Variants in BCL11A observed in about 807,000 individuals in gnomAD.
BCL11A encodes the protein BCL11 transcription factor A.
Under a neutral mutation model 55.9 loss-of-function variants are expected in BCL11A, and 2 were observed. The ratio of observed to expected loss-of-function variants is 0.04; its 90% CI spans 0.01 to 0.11. BCL11A has a LOEUF of 0.11. Ranked by LOEUF, BCL11A falls within the 10% of genes least tolerant of loss-of-function variation. The pLI is 1.00. For synonymous variants in BCL11A, 465 were observed against 473.4 expected, an observed-to-expected ratio of 0.98 and a Z score of 0.23; for missense variants, 817 against 1,137.1, an observed-to-expected ratio of 0.72 and a Z score of 4.05.
chr2:60,462,192 C>T lies in BCL11A; in HGVS notation c.720G>A (p.Leu240=), dbSNP rs1676353615. The T allele has an allele frequency of 6.3e-7, 1 of 1,599,258 alleles. No individual in the cohort carries two copies. Among genetic ancestry groups the T allele is most frequent in the Non-Finnish European group, 8.5e-7 (1 of 1,173,162 alleles). Residue 240 remains leucine (L), a synonymous_variant, in exon 4 of 4, where the codon CTG becomes CTA. Coordinates refer to ENST00000642384, the MANE Select transcript of BCL11A (RefSeq NM_022893.4). ...IHIADNNPFN[L]LRIPGSVSRE... is the part of the protein sequence containing the mutation. ...TCGATACTGATCCTGGTATTCTTAG[C>T]AGGTTAAAGGGGTTATTGTCTGCAA...
intron 2 of BCL11A, chr2:60,533,020 T>C (rs1013054067): frequency 2.6e-5 from 4 of 152,234 alleles, no homozygotes; most frequent in African/African-American, 9.6e-5. Context: ...GTACACTAGA[T>C]TATGCCAATC....
At chr2:60,477,958 C>CTTTT (rs79276518) in intron 2 of BCL11A, among the ~76,000 whole-genome samples, 2 of 138,500 alleles carry the variant, frequency 1.4e-5, no homozygotes, top group South Asian at 2.4e-4. Context: ...TTATGGAAAG[C>CTTTT]TTTTTTTTTT....
chr2:60,462,327 T>C lies in BCL11A; in HGVS notation c.585A>G (p.Leu195=), dbSNP rs780915895. Residue 195 remains leucine (L), a synonymous_variant, in exon 4 of 4, where the codon TTA becomes TTG. Coordinates refer to ENST00000642384, the MANE Select transcript of BCL11A (RefSeq NM_022893.4). ...LLQHAQNTHG[L]RIYLESEHGS... ...CGTGTTCGCTTTCTAAGTAGATTCTTAATCCATGAGTGTTCTGTGCGTGTT... is the reference window on the plus strand; with the variant it reads ...CGTGTTCGCTTTCTAAGTAGATTCTCAATCCATGAGTGTTCTGTGCGTGTT... 19 of 1,614,136 alleles carry C rather than the reference T, an allele frequency of 1.2e-5. No homozygotes were observed. The highest frequency in any genetic ancestry group is 1.5e-5 in the Non-Finnish European group (18 of 1,180,012).
chr2:60,462,139 C>A lies in BCL11A; in HGVS notation c.773G>T (p.Arg258Leu). The A allele has an allele frequency of 3.2e-6, 5 of 1,559,250 alleles. No homozygotes were observed. The highest frequency in any genetic ancestry group is 1.2e-5 in the South Asian group (1 of 81,336). ...AAACAGGGGGGGAGTGGGTGGAAAGCGCCCTTCTGCCAGGCCGGAAGCCTC... is the reference window on the plus strand; with the variant it reads ...AAACAGGGGGGGAGTGGGTGGAAAGAGCCCTTCTGCCAGGCCGGAAGCCTC... ...SREASGLAEG[R>L]FPPTPPLFSP... Residue 258 changes from arginine (R) to leucine (L), a missense_variant, in exon 4 of 4, where the codon CGC (arginine) becomes CTC (leucine). Around this residue, in one of 4 missense-constraint regions of BCL11A, gnomAD observed 363 missense variants for 486.6 expected, o/e 0.75. Coordinates refer to ENST00000642384, the MANE Select transcript of BCL11A (RefSeq NM_022893.4).
rs115174708 is a variant in BCL11A, at chr2:60,461,980, G to A, written c.932C>T (p.Pro311Leu). The change falls in exon 4 of 4, where the codon CCC becomes CTC. Residue 311 changes from proline (P) to leucine (L), a missense_variant. Physicochemically the swap from Pro to Leu is moderately conservative, Grantham distance 98. Transcript: ENST00000642384. Reference protein sequence around the residue: ...LRLNPMAMEPPAMDFSRRLRE... With the variant: ...LRLNPMAMEPLAMDFSRRLRE... Reference sequence around the variant, plus strand: ...AAGTCTCCTAGAGAAATCCATGGCGGGAGGCTCCATAGCCATTGGATTCAA... The same window carrying A: ...AAGTCTCCTAGAGAAATCCATGGCGAGAGGCTCCATAGCCATTGGATTCAA... 2.5e-6 allele frequency: 4 copies of A among 1,613,778 alleles called. No homozygotes were observed. The highest frequency in any genetic ancestry group is 3.4e-6 in the Non-Finnish European group (4 of 1,180,016).
chr2:60,492,635 T>C (rs1191441535), intron 2 of BCL11A, among the ~76,000 whole-genome samples: 1 of 151,806 alleles, frequency 6.6e-6, no homozygotes, highest in Admixed American at 6.6e-5. Flanking sequence ...TCTCTCTCTC[T>C]CTCTCTCTGT....
intron 2 of BCL11A, among the ~76,000 whole-genome samples, chr2:60,538,733 CTCTCTCTGTGTGTGTGTGTG>C (rs1669778308): frequency 1.6e-5 from 1 of 64,284 alleles, no homozygotes; most frequent in Admixed American, 2.1e-4. Flanking sequence ...CTCTCTCTCT[CTCTCTCTGTGTGTGTGTGTG>C]TGTGTGTGTG....
At chr2:60,508,410 G>C (rs1679768939) in intron 2 of BCL11A, among the ~76,000 whole-genome samples, 1 of 152,150 alleles carries the variant, frequency 6.6e-6, no homozygotes, top group Admixed American at 6.5e-5. Context: ...CCCTGAGTCT[G>C]ACTTTTACCC....
chr2:60,460,899 A>T lies in BCL11A; in HGVS notation c.2013T>A (p.Asp671Glu), dbSNP rs1676218270. ...AGYAASRQLK[D>E]PFLSFGDSRQ... ...TGGAGTCTCCGAAGCTAAGGAAGGGATCTTTGAGCTGCCTGGAGGCCGCGT... is the reference window on the plus strand; with the variant it reads ...TGGAGTCTCCGAAGCTAAGGAAGGGTTCTTTGAGCTGCCTGGAGGCCGCGT... Residue 671 changes from aspartate to glutamate, a missense_variant, in exon 4 of 4, where the codon GAT becomes GAA. Transcript: ENST00000642384. 6.2e-7 allele frequency: 1 copy of T among 1,612,990 alleles called. No homozygotes were observed. Among genetic ancestry groups the T allele is most frequent in the Admixed American group, 1.7e-5 (1 of 60,016 alleles).
At chr2:60,484,709 A>G (rs889019533) in intron 2 of BCL11A, among the ~76,000 whole-genome samples, 2 of 152,160 alleles carry the variant, frequency 1.3e-5, no homozygotes, top group African/African-American at 4.8e-5. Flanking sequence ...AGAAGGAGAA[A>G]GAGAGGAAAG....
intron 2 of BCL11A, among the ~76,000 whole-genome samples, chr2:60,481,083 C>T (rs1381558311): frequency 6.6e-6 from 1 of 152,180 alleles, no homozygotes; most frequent in East Asian, 1.9e-4. Flanking sequence ...CACACCTTGT[C>T]ACCCAAGTTG....
intron 3 of BCL11A, among the ~76,000 whole-genome samples, chr2:60,467,111 G>GTGGTGA (rs1676673016): frequency 1.5e-5 from 2 of 136,202 alleles, no homozygotes; most frequent in Non-Finnish European, 3.2e-5. Flanking sequence ...GGTGGTGGTA[G>GTGGTGA]TGGTGGTGGT....
At chr2:60,456,248 TGTC>T (rs1015322258), downstream of BCL11A, among the ~76,000 whole-genome samples, 2 of 152,076 alleles carry the variant, frequency 1.3e-5, no homozygotes, top group Non-Finnish European at 2.9e-5. Context: ...ATAAGAACAA[TGTC>T]GTATTCATTC....
rs539444942 is a variant in BCL11A at position 60,471,714 on chromosome 2, G to A, written c.386-2881C>T. On this transcript the variant is annotated intron_variant, in intron 2 of 3. Coordinates refer to ENST00000642384, the MANE Select transcript of BCL11A (RefSeq NM_022893.4). ...GAGATGGGCTCTGGTTGCTGGCTAG[G>A]AAGTGGGTGATCTAGTTATGTCCTC... is the stretch of plus-strand genomic sequence containing the variant. Among the ~76,000 whole-genome samples, 4 of 152,294 alleles carry A rather than the reference G, an allele frequency of 2.6e-5. No homozygotes were observed. In the South Asian group the frequency reaches 8.3e-4, roughly 32 times the overall value.
intron 2 of BCL11A, among the ~76,000 whole-genome samples, chr2:60,512,359 C>T (rs1389833693): frequency 6.6e-6 from 1 of 152,180 alleles, no homozygotes; most frequent in African/African-American, 2.4e-5. Context: ...GTCACTTCAC[C>T]TCCCTTGGCC....
In BCL11A at chr2:60,549,104, A is replaced by G. The variant is rs372931205; in HGVS notation, c.56-2804T>C. ...AGTGGAAGGGAGTGGGCAAATAATC[A>G]TAATAATTAGCCGCGAATTCTCTCT... On this transcript the variant is annotated intron_variant, in intron 1 of 3. Coordinates refer to ENST00000642384, the MANE Select transcript of BCL11A (RefSeq NM_022893.4). Among the ~76,000 whole-genome samples the G allele has an allele frequency of 3.7e-4, 57 of 152,324 alleles. No homozygotes were observed. The South Asian group carries it at 0.012, about 31-fold the overall frequency.
chr2:60,543,554 C>T (rs564009676), intron 2 of BCL11A: 18 of 152,304 alleles, frequency 1.2e-4, no homozygotes, highest in Admixed American at 8.5e-4. Flanking sequence ...AGGGCCAGAG[C>T]GTCGGAATTT....
downstream of BCL11A, among the ~76,000 whole-genome samples, chr2:60,453,268 T>C (rs1051346752): frequency 1.3e-5 from 2 of 152,158 alleles, no homozygotes; most frequent in African/African-American, 2.4e-5. Context: ...TGCAGTTTTC[T>C]TTTCTTTTTT....
chr2:60,482,500 C>T (rs1191624558), intron 2 of BCL11A, among the ~76,000 whole-genome samples: 1 of 152,194 alleles, frequency 6.6e-6, no homozygotes, highest in Non-Finnish European at 1.5e-5. Flanking sequence ...CAGGATTTGG[C>T]ATTTAAATCC....
Sources: allele counts gnomAD v4.1 joint callset (sites outside exome capture counted in the v4.1 genomes callset), GRCh38; gene constraint gnomAD v4.1.1; regional missense constraint gnomAD v4.1.1; transcripts MANE v1.5; gene names NCBI Gene and HGNC (gene_info 2026-07-23, HGNC 2026-07-21).